Variants in MED13 observed in about 807,000 individuals in gnomAD.
MED13 encodes the protein mediator complex subunit 13, also known as mediator of RNA polymerase II transcription subunit 13.
In MED13, 23 loss-of-function variants were observed where a neutral mutation model predicts 225.2. The observed-to-expected ratio is 0.10, with a 90% confidence interval of 0.07 to 0.14. The LOEUF (loss-of-function observed/expected upper bound fraction) is 0.14. Ranked by LOEUF, MED13 falls within the 10% of genes least tolerant of loss-of-function variation. The probability of loss-of-function intolerance (pLI) is 1.00; values close to 1 mark genes in which losing one functional copy is unlikely to be tolerated. For missense variants in MED13, 2,197 were observed against 2,594.5 expected (o/e 0.85, Z 3.33); for synonymous variants, 942 against 889.2 (o/e 1.06, Z -1.06).
chr17:61,982,232 T>A lies in MED13; in HGVS notation c.3771A>T (p.Lys1257Asn). ...TGGACCAGGGGTGTAAGCATGAACT[T>A]TTCACAAGTGCTTCATCAACTTTTC... The part of the protein sequence containing the change: ...SGGKVDEALV[K>N]SSCLHPWSKR... The change falls in exon 16 of 30, where the codon AAA becomes AAT. Residue 1257 changes from lysine (K) to asparagine (N), a missense_variant. Lys to Asn is a moderately conservative substitution (Grantham distance 94, BLOSUM62 0). Coordinates refer to ENST00000397786, the MANE Select transcript of MED13 (RefSeq NM_005121.3). 3 of 1,614,134 alleles carry A rather than the reference T, an allele frequency of 1.9e-6. No individual in the cohort carries two copies. The highest frequency in any genetic ancestry group is 1.1e-5 in the South Asian group (1 of 91,054).
chr17:61,994,337 CA>C (rs1240041688), intron 10 of MED13, among the ~76,000 whole-genome samples: 1 of 152,094 alleles, frequency 6.6e-6, no homozygotes, highest in Non-Finnish European at 1.5e-5. Flanking sequence ...TCCTGTGTAG[CA>C]AAGTTATCTT....
At chr17:62,019,907 C>T (rs373853962) in intron 8 of MED13, among the ~76,000 whole-genome samples, 1 of 151,834 alleles carries the variant, frequency 6.6e-6, no homozygotes, top group Non-Finnish European at 1.5e-5. Flanking sequence ...CCAAGCCTGG[C>T]TAATTTTTTT....
chr17:62,007,164 CT>C (rs1408065540), intron 9 of MED13: 1 of 152,388 alleles, frequency 6.6e-6, no homozygotes, highest in Non-Finnish European at 1.5e-5. Flanking sequence ...CTGCTTGGAC[CT>C]GGGAGGCGGA....
rs151290360 is a variant in MED13 at position 62,060,104 on chromosome 17, G to A, written c.301+2963C>T. 5.5e-4 allele frequency among the ~76,000 whole-genome samples: 83 copies of A among 151,786 alleles called. No individual in the cohort carries two copies. The East Asian group carries it at 0.016, about 29-fold the overall frequency. On this transcript the variant is annotated intron_variant, in intron 2 of 29. Coordinates refer to ENST00000397786, the MANE Select transcript of MED13 (RefSeq NM_005121.3). ...CTCAGGAGTTCGAGACCAGCCTGGC[G>A]AACACGGTGAAACCCCATCTCTACT...
intron 11 of MED13, among the ~76,000 whole-genome samples, chr17:61,989,739 G>T (rs1477686776): frequency 6.6e-6 from 1 of 152,250 alleles, no homozygotes; most frequent in Non-Finnish European, 1.5e-5. Context: ...CCAAAATACT[G>T]AGATTATAGG....
chr17:61,951,484 ATTAG>A (rs1346508673), intron 27 of MED13, among the ~76,000 whole-genome samples: 4 of 152,190 alleles, frequency 2.6e-5, no homozygotes, highest in African/African-American at 7.2e-5. Flanking sequence ...TATCCTTTGG[ATTAG>A]TTAATGTATT....
At chr17:61,977,474 C>T (rs553413056) in intron 16 of MED13, among the ~76,000 whole-genome samples, 33 of 152,278 alleles carry the variant, frequency 2.2e-4, no homozygotes, top group East Asian at 3.9e-4. Context: ...TTTCTTGAGA[C>T]GGAGTCTCTC....
At chr17:62,013,189 A>G (rs1396323617) in intron 8 of MED13, among the ~76,000 whole-genome samples, 1 of 152,204 alleles carries the variant, frequency 6.6e-6, no homozygotes, top group Non-Finnish European at 1.5e-5. Flanking sequence ...TCAAAAGGAC[A>G]TAGGAGAAAT....
In MED13 at chr17:61,980,655, A is replaced by G. The variant is rs140647956; in HGVS notation, c.3805+1543T>C. Among the ~76,000 whole-genome samples the G allele has an allele frequency of 3.3e-3, 497 of 152,244 alleles. 3 individuals carry two copies. Among genetic ancestry groups the G allele is most frequent in the Middle Eastern group, 0.014 (4 of 294 alleles). Reference sequence around the variant, plus strand: ...GGCCTCTTATCTTGTCTAAGCTACCATCATCTTTCACCTAAGCTACTGAAA... The same window carrying G: ...GGCCTCTTATCTTGTCTAAGCTACCGTCATCTTTCACCTAAGCTACTGAAA... On this transcript the variant is annotated intron_variant, in intron 16 of 29. Coordinates refer to ENST00000397786, the MANE Select transcript of MED13 (RefSeq NM_005121.3).
chr17:62,029,946 A>G lies in MED13; in HGVS notation c.1077T>C (p.Ser359=), dbSNP rs2080739141. The part of the protein sequence containing the change: ...SSVSDGFNSD[S]TSHHGGKIPR... ...GTATTTTCCCACCATGGTGGCTAGT[A>G]CTATCGGAGTTGAAGCCATCAGATA... Residue 359 remains serine, a synonymous_variant, in exon 7 of 30, where the codon AGT becomes AGC. Transcript: ENST00000397786. 3 of 1,613,870 alleles carry G rather than the reference A, an allele frequency of 1.9e-6. No individual in the cohort carries two copies. The highest frequency in any genetic ancestry group is 1.3e-5 in the African/African-American group (1 of 74,936).
At position 61,955,683 on chromosome 17, in the gene MED13, G is replaced by A; in HGVS notation, c.5779C>T (p.Pro1927Ser). 1 of 1,593,830 alleles carries A rather than the reference G, an allele frequency of 6.3e-7. No homozygotes were observed. Among genetic ancestry groups the A allele is most frequent in the Non-Finnish European group, 8.5e-7 (1 of 1,174,906 alleles). The change falls in exon 25 of 30, where the codon CCA becomes TCA. Residue 1927 changes from proline (P) to serine (S), a missense_variant. Physicochemically the swap from Pro to Ser is moderately conservative, Grantham distance 74. Coordinates refer to ENST00000397786, the MANE Select transcript of MED13 (RefSeq NM_005121.3). ...MEPQGSFVIM[P>S]DSVSTGSVFG... The stretch of plus-strand genomic sequence containing the variant: ...ATATAAACTAAAGATAGCTAACCTG[G>A]CATAATAACAAAAGAGCCTTGCGGC...
chr17:61,977,882 T>G (rs898922142), intron 16 of MED13, among the ~76,000 whole-genome samples: 2 of 152,224 alleles, frequency 1.3e-5, no homozygotes, highest in African/African-American at 2.4e-5. Context: ...TGAGCCATGG[T>G]GCCCAGCCCC....
chr17:62,008,914 G>GA (rs1387610073), intron 9 of MED13, among the ~76,000 whole-genome samples: 2 of 151,578 alleles, frequency 1.3e-5, no homozygotes, highest in Non-Finnish European at 2.9e-5. Flanking sequence ...CTGATGTTGA[G>GA]AAAAAAAGCT....
intron 3 of MED13, among the ~76,000 whole-genome samples, chr17:62,042,157 CT>C (rs756745118): frequency 6.6e-6 from 1 of 152,240 alleles, no homozygotes; most frequent in East Asian, 1.9e-4. Context: ...ATTAACATAG[CT>C]CCATGAACAA....
chr17:61,988,304 C>T (rs1255611710), intron 11 of MED13, among the ~76,000 whole-genome samples: 4 of 152,052 alleles, frequency 2.6e-5, no homozygotes, highest in African/African-American at 9.7e-5. Flanking sequence ...ATTTTCCTAC[C>T]CTCTCGCCCT....
chr17:62,065,078 C>T (rs1006096563), intron 1 of MED13, 62 bp downstream of exon 1: 4 of 1,440,686 alleles, frequency 2.8e-6, no homozygotes, highest in African/African-American at 1.5e-5. Flanking sequence ...CCCCCTCCCC[C>T]ACGGCCCAAG....
intron 9 of MED13, 110 bp downstream of exon 9, chr17:62,010,440 A>T (rs1319722790): frequency 3.1e-6 from 2 of 648,854 alleles, no homozygotes; most frequent in East Asian, 6.7e-5. Flanking sequence ...ATACTCAATG[A>T]ATTTATTCTT....
chr17:61,959,286 T>A (rs931778684), intron 23 of MED13, among the ~76,000 whole-genome samples: 33 of 152,264 alleles, frequency 2.2e-4, no homozygotes, highest in African/African-American at 6.5e-4. Context: ...AGTGCTGAGA[T>A]TAGAGGCATG....
At chr17:62,047,011 G>C (rs946647904) in intron 3 of MED13, among the ~76,000 whole-genome samples, 2 of 149,900 alleles carry the variant, frequency 1.3e-5, no homozygotes, top group Non-Finnish European at 3.0e-5. Context: ...TCCCACTTCA[G>C]AGTGTGTGCC....
Sources: gnomAD v4.1 joint callset for allele counts (sites outside exome capture counted in the v4.1 genomes callset) on GRCh38, gnomAD v4.1.1 for gene constraint, MANE v1.5 for transcripts, NCBI Gene and HGNC (gene_info 2026-07-23, HGNC 2026-07-21) for gene names.